Variants in UNC13A observed in about 807,000 individuals in gnomAD.
UNC13A encodes protein unc-13 homolog A.
UNC13A carries 61 observed loss-of-function variants against 219.7 expected under a neutral mutation model. That is an observed-to-expected ratio of 0.28 (90% confidence interval 0.23 to 0.34). The LOEUF (loss-of-function observed/expected upper bound fraction) is 0.34. UNC13A is among the 10% of genes least tolerant of loss of function. UNC13A has a pLI of 1.00. For synonymous variants in UNC13A, 920 were observed against 884.6 expected (o/e 1.04, Z -0.71); for missense variants, 1,476 against 2,270.3 (o/e 0.65, Z 7.11).
At chr19:17,629,790 A>G (rs1331303536) in intron 30 of UNC13A, among the ~76,000 whole-genome samples, 1 of 151,924 alleles carries the variant, frequency 6.6e-6, no homozygotes, top group Non-Finnish European at 1.5e-5. Flanking sequence ...AACTCCAACC[A>G]AACAGCATTG....
chr19:17,626,737 A>G lies in UNC13A; in HGVS notation c.3969T>C (p.Leu1323=). 1 of 1,612,104 alleles carries G rather than the reference A, an allele frequency of 6.2e-7. No homozygotes were observed. The highest frequency in any genetic ancestry group is 8.5e-7 in the Non-Finnish European group (1 of 1,179,258). ...CATTGCCTGTGCCCTTAACCTGGCT[A>G]AGGATGTCACCCATCTGTTTGACAC... is the stretch of plus-strand genomic sequence containing the variant. ...EECVKQMGDI[L]SQVKGTGNVP... is the part of the protein sequence containing the mutation. The change falls in exon 34 of 44, where the codon CTT becomes CTC. Residue 1323 remains leucine, a synonymous_variant. Transcript: ENST00000519716.
chr19:17,610,135 T>A (rs1249192926), intron 42 of UNC13A, 36 bp from the exon 43 acceptor site: 7 of 1,611,128 alleles, frequency 4.3e-6, no homozygotes, highest in Non-Finnish European at 5.9e-6. Flanking sequence ...CAGGTCAGGT[T>A]CTCCCAGTTG....
rs1436099764 is a variant in UNC13A, at chr19:17,645,773, C to T, written c.2257G>A (p.Val753Met). The T allele has an allele frequency of 5.6e-6, 9 of 1,614,088 alleles. No individual in the cohort carries two copies. Among genetic ancestry groups the T allele is most frequent in the East Asian group, 4.5e-5 (2 of 44,884 alleles). Residue 753 changes from valine to methionine, a missense_variant, in exon 19 of 44, where the codon GTG (valine) becomes ATG (methionine). Physicochemically the swap from Val to Met is conservative, Grantham distance 21. Around this residue, in one of 14 missense-constraint regions of UNC13A, gnomAD observed 66 missense variants for 224.3 expected, o/e 0.29. Transcript: ENST00000519716. ...WDEDDDIKSRVKQRFKRESDD... is the reference protein window; with the variant it reads ...WDEDDDIKSRMKQRFKRESDD... Reference sequence around the variant, plus strand: ...GATTCCCTCTTGAACCTCTGTTTCACGCGGGATTTGATGTCGTCATCCTCG... The same window carrying T: ...GATTCCCTCTTGAACCTCTGTTTCATGCGGGATTTGATGTCGTCATCCTCG...
chr19:17,687,137 C>A (rs1341842717), intron 1 of UNC13A, among the ~76,000 whole-genome samples: 1 of 152,200 alleles, frequency 6.6e-6, no homozygotes, highest in Non-Finnish European at 1.5e-5. Context: ...GTGCCCAGAA[C>A]GCCTGGGTTC....
rs773966199 is a variant in UNC13A at position 17,639,820 on chromosome 19, C to G, written c.2856+20G>C. 3.2e-5 allele frequency: 52 copies of G among 1,613,338 alleles called. No homozygotes were observed. The Admixed American group carries it at 8.5e-4, about 26-fold the overall frequency. On this transcript the variant is annotated intron_variant, in intron 23 of 43. Coordinates refer to ENST00000519716, the MANE Select transcript of UNC13A (RefSeq NM_001080421.3). ...CACATGTGCGTGGGGTGAGCAAATT[C>G]TCATGCACACACTTCCTACCCGGTA...
intron 28 of UNC13A, among the ~76,000 whole-genome samples, chr19:17,632,430 T>A (rs1021035145): frequency 1.3e-5 from 2 of 152,196 alleles, no homozygotes; most frequent in Non-Finnish European, 1.5e-5. Flanking sequence ...TGCCTCAGTC[T>A]CCCAGATTGC....
intron 1 of UNC13A, among the ~76,000 whole-genome samples, chr19:17,680,884 C>CTTTTTTTTTTTTTTTTTTTTTTT (rs2079997096): frequency 2.9e-5 from 2 of 69,552 alleles, no homozygotes; most frequent in African/African-American, 5.9e-5. Context: ...TTTTTCTTTT[C>CTTTTTTTTTTTTTTTTTTTTTTT]TTTTCTTTTT....
At chr19:17,680,289 C>T (rs185130589) in intron 1 of UNC13A, among the ~76,000 whole-genome samples, 21 of 152,322 alleles carry the variant, frequency 1.4e-4, no homozygotes, top group African/African-American at 4.6e-4. Context: ...GCCACCTCCC[C>T]GCCTGCGCCG....
rs748720905 is a variant in UNC13A at position 17,617,744 on chromosome 19, C to T, written c.4516G>A (p.Asp1506Asn). The stretch of plus-strand genomic sequence containing the variant: ...TGTACAAAGGTCTTGATTAGCAGGT[C>T]GGTGGCCTGCGTGTAGAGCGACAGG... The part of the protein sequence containing the change: ...YALSLYTQAT[D>N]LLIKTFVQTQ... Residue 1506 changes from aspartate (D) to asparagine (N), a missense_variant, in exon 41 of 44, where the codon GAC (aspartate) becomes AAC (asparagine). Asp to Asn is a conservative substitution (Grantham distance 23). Coordinates refer to ENST00000519716, the MANE Select transcript of UNC13A (RefSeq NM_001080421.3). 8.7e-6 allele frequency: 14 copies of T among 1,613,796 alleles called. 1 individual carries two copies. In the South Asian group the frequency reaches 1.4e-4, roughly 16 times the overall value.
intron 19 of UNC13A, among the ~76,000 whole-genome samples, chr19:17,645,293 G>C (rs150520672): frequency 0.014 from 2,055 of 151,778 alleles, 54 homozygotes; most frequent in African/African-American, 0.047. Context: ...ACAGGCGTGA[G>C]CCACCATACC....
rs1202590603 is a variant in UNC13A at position 17,645,783 on chromosome 19, G to T, written c.2247C>A (p.Ile749=). 1.2e-6 allele frequency: 2 copies of T among 1,613,882 alleles called. No homozygotes were observed. The highest frequency in any genetic ancestry group is 1.7e-6 in the Non-Finnish European group (2 of 1,179,930). ...KVRVWDEDDD[I]KSRVKQRFKR... is the part of the protein sequence containing the mutation. Reference sequence around the variant, plus strand: ...TGAACCTCTGTTTCACGCGGGATTTGATGTCGTCATCCTCGTCCCAGACGC... The same window carrying T: ...TGAACCTCTGTTTCACGCGGGATTTTATGTCGTCATCCTCGTCCCAGACGC... Residue 749 remains isoleucine, a synonymous_variant, in exon 19 of 44, where the codon ATC becomes ATA. Coordinates refer to ENST00000519716, the MANE Select transcript of UNC13A (RefSeq NM_001080421.3).
chr19:17,617,644 T>A, intron 41 of UNC13A, 58 bp downstream of exon 41: 1 of 1,596,028 alleles, frequency 6.3e-7, no homozygotes, highest in South Asian at 1.1e-5. Context: ...CCGTTCAGGC[T>A]TGGGGCGGGG....
chr19:17,617,001 G>C (rs1176164108), intron 41 of UNC13A, among the ~76,000 whole-genome samples: 1 of 152,146 alleles, frequency 6.6e-6, no homozygotes, highest in East Asian at 1.9e-4. Flanking sequence ...CAGAGAGAAA[G>C]AGAGAGTTTG....
intron 28 of UNC13A, among the ~76,000 whole-genome samples, chr19:17,631,180 T>TCCTCCC (rs1410024216): frequency 4.0e-4 from 4 of 9,922 alleles, no homozygotes; most frequent in African/African-American, 1.4e-3. Context: ...CCTCCCTCCT[T>TCCTCCC]TCCTTCCTTC....
At chr19:17,655,536 A>C (rs1174350424) in intron 10 of UNC13A, among the ~76,000 whole-genome samples, 154 bp from the exon 11 acceptor site, 2 of 151,912 alleles carry the variant, frequency 1.3e-5, no homozygotes, top group East Asian at 3.9e-4. Context: ...GGCCCACCTC[A>C]GTGCCCCTCA....
At chr19:17,607,930 A>C (rs1599820534) in intron 43 of UNC13A, among the ~76,000 whole-genome samples, 1 of 135,698 alleles carries the variant, frequency 7.4e-6, no homozygotes, top group Admixed American at 8.2e-5. Flanking sequence ...CCCAGGCTGG[A>C]GTGCCGTGGT....
rs544135158 is a variant in UNC13A, at chr19:17,661,968, G to A, written c.559+1564C>T. ...ATTAGATTCTCATAGAAGGCCGGGC[G>A]CAGTGGCTCAAACTTGTAATCCCAG... On this transcript the variant is annotated intron_variant, in intron 8 of 43. Coordinates refer to ENST00000519716, the MANE Select transcript of UNC13A (RefSeq NM_001080421.3). Among the ~76,000 whole-genome samples the A allele has an allele frequency of 5.3e-4, 80 of 152,124 alleles. 3 individuals are homozygous for A. In the South Asian group the frequency reaches 0.014, roughly 26 times the overall value.
chr19:17,656,329 G>T lies in UNC13A; in HGVS notation c.837C>A (p.Asp279Glu). Reference protein sequence around the residue: ...LSQGSSQLSEDFDPDEHSLQG... With the variant: ...LSQGSSQLSEEFDPDEHSLQG... Reference sequence around the variant, plus strand: ...GCAGGCTGTGCTCGTCAGGGTCGAAGTCCTCGCTCAGCTGAGAGCTTCCCT... The same window carrying T: ...GCAGGCTGTGCTCGTCAGGGTCGAATTCCTCGCTCAGCTGAGAGCTTCCCT... The change falls in exon 10 of 44, where the codon GAC becomes GAA. Residue 279 changes from aspartate (D) to glutamate (E), a missense_variant. This residue lies in a region of UNC13A where 351 missense variants were observed against 342.6 expected (regional missense o/e 1.02). Coordinates refer to ENST00000519716, the MANE Select transcript of UNC13A (RefSeq NM_001080421.3). 6.4e-7 allele frequency: 1 copy of T among 1,558,744 alleles called. No homozygotes were observed. Among genetic ancestry groups the T allele is most frequent in the Non-Finnish European group, 8.7e-7 (1 of 1,151,716 alleles).
intron 10 of UNC13A, 144 bp from the exon 11 acceptor site, chr19:17,655,526 G>A (rs1327932485): frequency 5.4e-6 from 4 of 743,376 alleles, no homozygotes; most frequent in African/African-American, 3.5e-5. Context: ...TGAGTCCCCT[G>A]GCCCACCTCA....
Sources: gnomAD v4.1 joint callset for allele counts (sites outside exome capture counted in the v4.1 genomes callset) on GRCh38, gnomAD v4.1.1 for gene constraint, gnomAD v4.1.1 regional missense constraint, MANE v1.5 for transcripts, NCBI Gene and HGNC (gene_info 2026-07-23, HGNC 2026-07-21) for gene names.